Variants in PTPRN2 observed in about 807,000 individuals in gnomAD.
PTPRN2 encodes receptor-type tyrosine-protein phosphatase N2.
Under a neutral mutation model 118.8 loss-of-function variants are expected in PTPRN2, and 74 were observed. The ratio of observed to expected loss-of-function variants is 0.62; its 90% CI spans 0.52 to 0.76. The LOEUF (loss-of-function observed/expected upper bound fraction) is 0.76. PTPRN2 is among the 30% of genes least tolerant of loss of function. The probability of loss-of-function intolerance (pLI) is 0.00; values close to 1 mark genes in which losing one functional copy is unlikely to be tolerated. For missense variants in PTPRN2, 1,481 were observed against 1,394.4 expected, an observed-to-expected ratio of 1.06 and a Z score of -0.99; for synonymous variants, 641 against 608.0, an observed-to-expected ratio of 1.05 and a Z score of -0.80.
chr7:158,234,865 C>T lies in PTPRN2; in HGVS notation c.278-29592G>A, dbSNP rs373195218. Reference sequence around the variant, plus strand: ...GCAACCTCCACCTCCTGGATTCAAGCGATTCTCCTGCCTCAGCCTCCCGAG... The same window carrying T: ...GCAACCTCCACCTCCTGGATTCAAGTGATTCTCCTGCCTCAGCCTCCCGAG... On this transcript the variant is annotated intron_variant, in intron 3 of 22. Transcript: ENST00000389418. Among the ~76,000 whole-genome samples, 117 of 152,076 alleles carry T rather than the reference C, an allele frequency of 7.7e-4. No individual in the cohort carries two copies. In the Middle Eastern group the frequency reaches 0.01, roughly 13 times the overall value.
At chr7:158,336,415 T>G (rs1394370394) in intron 2 of PTPRN2, among the ~76,000 whole-genome samples, 16 of 92,600 alleles carry the variant, frequency 1.7e-4, no homozygotes, top group East Asian at 7.6e-4. Flanking sequence ...CTCACAATAA[T>G]TGGTGACACC....
chr7:158,584,865 T>C (rs1380404946), intron 1 of PTPRN2, among the ~76,000 whole-genome samples: 2 of 152,190 alleles, frequency 1.3e-5, no homozygotes, highest in Non-Finnish European at 2.9e-5. Flanking sequence ...GCATCCTATA[T>C]AAAAAGAATT....
rs1257837153 is a variant in PTPRN2 at position 157,936,964 on chromosome 7, CT to C, written c.1724-38228del. Among the ~76,000 whole-genome samples, 65 of 152,352 alleles carry C rather than the reference CT, an allele frequency of 4.3e-4. 1 individual carries two copies. The South Asian group carries it at 6.2e-3, about 15-fold the overall frequency. ...TTCTCATCTGTAAAAAGTATTCTTT[CT>C]GCAATATTCTGTAAAAAGTATTTTT... is the stretch of plus-strand genomic sequence containing the variant. On this transcript the variant is annotated intron_variant, in intron 11 of 22. Transcript: ENST00000389418.
chr7:157,804,876 G>A (rs1585514582), intron 12 of PTPRN2, among the ~76,000 whole-genome samples: 1 of 152,218 alleles, frequency 6.6e-6, no homozygotes, highest in Non-Finnish European at 1.5e-5. Flanking sequence ...ACGAGAGAAG[G>A]CTGGTTTTAT....
intron 12 of PTPRN2, among the ~76,000 whole-genome samples, chr7:157,828,301 T>C (rs982876508): frequency 6.6e-6 from 1 of 152,168 alleles, no homozygotes; most frequent in African/African-American, 2.4e-5. Context: ...TGCTACAGAC[T>C]GTAGATGCTG....
At chr7:158,388,410 C>T (rs1035376087) in intron 2 of PTPRN2, among the ~76,000 whole-genome samples, 2 of 152,294 alleles carry the variant, frequency 1.3e-5, no homozygotes, top group South Asian at 4.1e-4. Flanking sequence ...ACAACCTCCT[C>T]GGGTGCAATT....
In PTPRN2 at chr7:157,986,896, C is replaced by T. The variant is rs1165557587; in HGVS notation, c.1724-88159G>A. 2.0e-5 allele frequency among the ~76,000 whole-genome samples: 3 copies of T among 152,146 alleles called. No individual in the cohort carries two copies. The highest frequency in any genetic ancestry group is 6.5e-5 in the Admixed American group (1 of 15,286). On this transcript the variant is annotated intron_variant, in intron 11 of 22. Coordinates refer to ENST00000389418, the MANE Select transcript of PTPRN2 (RefSeq NM_002847.5). The surrounding 1 kb of genome is among the most constrained non-coding windows in gnomAD (Gnocchi z 4.5). ...AGGACCCTCCAGAGTGAATCTGGAG[C>T]GAGGGGGCCCAGTGACTTTGGGGTC...
chr7:158,144,629 AGAAGGG>A lies in PTPRN2; in HGVS notation c.911-6120_911-6115del, dbSNP rs565018499. The stretch of plus-strand genomic sequence containing the variant: ...ACTCCAGCCTGGGCGATAGAGCGAG[AGAAGGG>A]GAAGGGGAAGGGGAAGGAGAAGGGG... On this transcript the variant is annotated intron_variant, in intron 6 of 22. Transcript: ENST00000389418. Among the ~76,000 whole-genome samples, 240 of 152,206 alleles carry A rather than the reference AGAAGGG, an allele frequency of 1.6e-3. 1 individual carries two copies. Among genetic ancestry groups the A allele is most frequent in the African/African-American group, 5.0e-3 (208 of 41,532 alleles).
At chr7:158,296,642 G>T (rs1346093866) in intron 3 of PTPRN2, among the ~76,000 whole-genome samples, 1 of 152,222 alleles carries the variant, frequency 6.6e-6, no homozygotes, top group Non-Finnish European at 1.5e-5. Flanking sequence ...CGGCCGTGGG[G>T]TCTGAGCCCA....
At chr7:158,045,275 C>T (rs926882001) in intron 11 of PTPRN2, among the ~76,000 whole-genome samples, 4 of 152,154 alleles carry the variant, frequency 2.6e-5, no homozygotes, top group Non-Finnish European at 5.9e-5. Flanking sequence ...TGAGCTAGCC[C>T]CTCTGTCGGG....
At chr7:157,799,047 T>C (rs996118868) in intron 12 of PTPRN2, among the ~76,000 whole-genome samples, 1 of 152,214 alleles carries the variant, frequency 6.6e-6, no homozygotes, top group Non-Finnish European at 1.5e-5. Context: ...ATTTGGCCCC[T>C]AAATGTGACT....
intron 11 of PTPRN2, among the ~76,000 whole-genome samples, chr7:157,947,074 C>T (rs752293481): frequency 2.0e-5 from 3 of 152,130 alleles, no homozygotes; most frequent in Non-Finnish European, 4.4e-5. Context: ...AAGGCTGGAG[C>T]CATCAGCATA....
chr7:158,175,553 C>T (rs111693768), intron 5 of PTPRN2, among the ~76,000 whole-genome samples: 2 of 152,258 alleles, frequency 1.3e-5, no homozygotes, highest in South Asian at 2.1e-4. Flanking sequence ...GTGGCCCACT[C>T]GTGTGGAGGG....
chr7:158,318,871 A>G (rs766499191), intron 2 of PTPRN2, among the ~76,000 whole-genome samples: 64 of 152,252 alleles, frequency 4.2e-4, no homozygotes, highest in Non-Finnish European at 8.4e-4. Context: ...ATATAAGAGA[A>G]GCACATCTGT....
At chr7:157,600,913 T>A (rs556860680) in intron 16 of PTPRN2, among the ~76,000 whole-genome samples, 8 of 152,370 alleles carry the variant, frequency 5.3e-5, no homozygotes, top group Admixed American at 2.0e-4. Flanking sequence ...ACTCTGTCCC[T>A]ACATAGTTAA....
intron 14 of PTPRN2, among the ~76,000 whole-genome samples, chr7:157,642,814 C>CAAAAAAAAA (rs11335302): frequency 0.024 from 584 of 24,220 alleles, 104 homozygotes; most frequent in East Asian, 0.038. Context: ...CAAGAAACAG[C>CAAAAAAAAA]AAAAAAAAAA....
chr7:158,071,103 T>C (rs111162915), intron 11 of PTPRN2, among the ~76,000 whole-genome samples: 472 of 39,736 alleles, frequency 0.012, 2 homozygotes, highest in Non-Finnish European at 0.017. Context: ...GTGGAGGTGC[T>C]CGTGGTGGTG....
chr7:158,250,634 G>T (rs1212171363), intron 3 of PTPRN2, among the ~76,000 whole-genome samples: 2 of 152,254 alleles, frequency 1.3e-5, no homozygotes, highest in South Asian at 2.1e-4. Flanking sequence ...TATAAGACAG[G>T]TATATTTTCT....
chr7:158,517,569 C>T lies in PTPRN2; in HGVS notation c.113-27784G>A, dbSNP rs540590315. Among the ~76,000 whole-genome samples the T allele has an allele frequency of 1.8e-4, 27 of 152,266 alleles. No individual in the cohort carries two copies. The highest frequency in any genetic ancestry group is 4.8e-4 in the African/African-American group (20 of 41,558). ...CCCCTCTGCAATCTCCTCCAACAGC[C>T]GCCAGGATCATCTTTACAAAATGCA... is the stretch of plus-strand genomic sequence containing the variant. On this transcript the variant is annotated intron_variant, in intron 1 of 22. Coordinates refer to ENST00000389418, the MANE Select transcript of PTPRN2 (RefSeq NM_002847.5). The surrounding 1 kb of genome is among the most constrained non-coding windows in gnomAD (Gnocchi z 5.3).
Sources: allele counts gnomAD v4.1 joint callset (sites outside exome capture counted in the v4.1 genomes callset), GRCh38; gene constraint gnomAD v4.1.1; non-coding constraint Gnocchi (gnomAD v3.1); transcripts MANE v1.5; gene names NCBI Gene and HGNC (gene_info 2026-07-23, HGNC 2026-07-21).